The following RIGI variants were observed in gnomAD, a reference collection of about 807,000 sequenced individuals.
RIGI encodes antiviral innate immune response receptor RIG-I.
the RIGI span, among the ~76,000 whole-genome samples, chr9:32,510,611 T>C: frequency 6.6e-6 from 1 of 152,092 alleles, no homozygotes; most frequent in Admixed American, 6.6e-5. Context: ...AAAGGAAAAC[T>C]GGTACCAGCC....
the RIGI span, among the ~76,000 whole-genome samples, chr9:32,475,622 A>G: frequency 6.6e-6 from 1 of 152,180 alleles, no homozygotes; most frequent in African/African-American, 2.4e-5. Context: ...GAAAAAAAAA[A>G]GAAAGCATCT....
the RIGI span, among the ~76,000 whole-genome samples, chr9:32,477,551 T>A: frequency 6.6e-6 from 1 of 152,156 alleles, no homozygotes; most frequent in East Asian, 1.9e-4. Context: ...GCTATGTACA[T>A]GATATATATG....
chr9:32,485,854 T>C, the RIGI span, among the ~76,000 whole-genome samples: 17 of 152,182 alleles, frequency 1.1e-4, no homozygotes, highest in Non-Finnish European at 1.8e-4. Context: ...AGCTTCTTAC[T>C]GTGGCTGTCC....
At chr9:32,506,966 A>C in the RIGI span, among the ~76,000 whole-genome samples, 1 of 152,238 alleles carries the variant, frequency 6.6e-6, no homozygotes, top group African/African-American at 2.4e-5. Context: ...TGCCGTGCTT[A>C]CTTTTGAAAG....
At chr9:32,488,029 G>A in the RIGI span, 1 of 1,614,022 alleles carries the variant, frequency 6.2e-7, no homozygotes, top group South Asian at 1.1e-5. Flanking sequence ...GTTTACTAGT[G>A]TTGTGGCATT....
At chr9:32,504,947 CAT>C in the RIGI span, among the ~76,000 whole-genome samples, 3 of 101,758 alleles carry the variant, frequency 2.9e-5, no homozygotes, top group East Asian at 6.7e-4. Flanking sequence ...TATATTTAAA[CAT>C]ATATATTATA....
the RIGI span, among the ~76,000 whole-genome samples, chr9:32,486,329 T>A: frequency 2.0e-5 from 3 of 151,876 alleles, no homozygotes; most frequent in Non-Finnish European, 4.4e-5. Flanking sequence ...GGCACACGCT[T>A]GTAATTCCAG....
the RIGI span, chr9:32,487,531 T>A: frequency 6.2e-7 from 1 of 1,614,196 alleles, no homozygotes; most frequent in Middle Eastern, 1.6e-4. Flanking sequence ...ACTGTTGCTA[T>A]CACTGACGCA....
the RIGI span, among the ~76,000 whole-genome samples, chr9:32,487,258 G>T: frequency 6.6e-6 from 1 of 152,184 alleles, no homozygotes; most frequent in Non-Finnish European, 1.5e-5. Flanking sequence ...AAGAATGTTT[G>T]CTCTCTACAG....
the RIGI span, chr9:32,494,031 A>T: frequency 5.3e-3 from 5,339 of 1,014,102 alleles, 19 homozygotes; most frequent in Non-Finnish European, 6.6e-3. Flanking sequence ...GTTTGAATGT[A>T]TGGTGGTAGA....
chr9:32,491,365 T>A, the RIGI span: 1 of 1,613,280 alleles, frequency 6.2e-7, no homozygotes, highest in Middle Eastern at 1.7e-4. Context: ...AGAAAATCTG[T>A]ATGTCAGAAG....
At chr9:32,518,564 C>A in the RIGI span, among the ~76,000 whole-genome samples, 1 of 152,056 alleles carries the variant, frequency 6.6e-6, no homozygotes, top group Non-Finnish European at 1.5e-5. Context: ...TCTCTTAAAA[C>A]CAGATAGAAT....
the RIGI span, among the ~76,000 whole-genome samples, chr9:32,512,134 G>A: frequency 5.9e-5 from 9 of 152,164 alleles, no homozygotes; most frequent in African/African-American, 2.2e-4. Context: ...AATTCTACCA[G>A]AGGTACAAAG....
the RIGI span, among the ~76,000 whole-genome samples, chr9:32,510,654 C>T: frequency 3.3e-5 from 5 of 152,234 alleles, no homozygotes; most frequent in African/African-American, 9.6e-5. Flanking sequence ...TAAAGACCAT[C>T]GACACTATGA....
chr9:32,489,671 A>C, the RIGI span, among the ~76,000 whole-genome samples: 1 of 152,332 alleles, frequency 6.6e-6, no homozygotes, highest in African/African-American at 2.4e-5. Flanking sequence ...GAAAAAAAAA[A>C]AAACATGAAT....
chr9:32,525,948 A>G, the RIGI span: 1 of 863,660 alleles, frequency 1.2e-6, no homozygotes, highest in South Asian at 1.4e-5. Context: ...ATCTTACCAC[A>G]AACCTGGGGA....
chr9:32,466,877 A>G, the RIGI span, among the ~76,000 whole-genome samples: 9 of 152,226 alleles, frequency 5.9e-5, no homozygotes, highest in East Asian at 1.7e-3. Context: ...CCAGTATGAC[A>G]CTGTGATGGC....
chr9:32,501,089 C>T, the RIGI span: 1 of 995,138 alleles, frequency 1.0e-6, no homozygotes, highest in Non-Finnish European at 1.4e-6. Context: ...AGCAGCAAAA[C>T]CTCTGCCCAG....
chr9:32,487,880 A>G, the RIGI span: 1 of 1,559,366 alleles, frequency 6.4e-7, no homozygotes, highest in Non-Finnish European at 8.7e-7. Context: ...TGGCCATAAG[A>G]GTAAGAAAAT....
Sources: gnomAD v4.1 joint callset for allele counts (sites outside exome capture counted in the v4.1 genomes callset) on GRCh38, gnomAD v4.1.1 for gene constraint, MANE v1.5 for transcripts, NCBI Gene and HGNC (gene_info 2026-07-23, HGNC 2026-07-21) for gene names.